Variants in UCHL3 observed in about 807,000 individuals in gnomAD.
The protein encoded by UCHL3 is ubiquitin carboxyl-terminal hydrolase isozyme L3.
UCHL3 carries 22 observed loss-of-function variants against 35.8 expected under a neutral mutation model. That is an observed-to-expected ratio of 0.61 (90% CI 0.44 to 0.88). UCHL3 has a LOEUF of 0.88. Ranked by LOEUF, UCHL3 falls within the 40% of genes least tolerant of loss-of-function variation. UCHL3 has a pLI of 0.00. For missense variants in UCHL3, 229 were observed against 276.9 expected, an observed-to-expected ratio of 0.83 and a Z score of 1.23; for synonymous variants, 90 against 92.8, an observed-to-expected ratio of 0.97 and a Z score of 0.17.
rs2031479710 is a variant in UCHL3, at chr13:75,561,121, G to A, written c.183+240G>A. ...GATGCTTGTGTTTTATTTTTGTAGA[G>A]ACAGGGCCTCACCGTGTTGCCTGGT... On this transcript the variant is annotated intron_variant, in intron 3 of 8. Coordinates refer to ENST00000377595, the MANE Select transcript of UCHL3 (RefSeq NM_006002.5). Among the ~76,000 whole-genome samples the A allele has an allele frequency of 3.3e-5, 5 of 152,118 alleles. No homozygotes were observed. The South Asian group carries it at 1.0e-3, about 32-fold the overall frequency.
intron 4 of UCHL3, 71 bp from the exon 5 acceptor site, chr13:75,567,156 C>G: frequency 7.4e-7 from 1 of 1,357,256 alleles, no homozygotes; most frequent in Non-Finnish European, 1.0e-6. Flanking sequence ...TAGCATACTT[C>G]TAGTATTTTC....
intron 7 of UCHL3, 28 bp from the exon 8 acceptor site, chr13:75,604,741 C>G (rs200478502): frequency 1.3e-6 from 2 of 1,572,142 alleles, no homozygotes; most frequent in East Asian, 4.7e-5. Context: ...AACAGCTAAG[C>G]ATTCAATTGT....
At chr13:75,580,475 G>A (rs1237423424) in intron 6 of UCHL3, among the ~76,000 whole-genome samples, 1 of 152,114 alleles carries the variant, frequency 6.6e-6, no homozygotes, top group Non-Finnish European at 1.5e-5. Flanking sequence ...AATTTTCAAA[G>A]CATTTGGTAG....
intron 2 of UCHL3, among the ~76,000 whole-genome samples, chr13:75,551,562 A>C (rs527436111): frequency 2.6e-5 from 4 of 152,346 alleles, no homozygotes; most frequent in African/African-American, 9.6e-5. Flanking sequence ...AATCCTCTAC[A>C]AAATATTAGC....
chr13:75,551,108 A>C (rs968927871), intron 2 of UCHL3, among the ~76,000 whole-genome samples: 1 of 152,308 alleles, frequency 6.6e-6, no homozygotes, highest in Non-Finnish European at 1.5e-5. Context: ...TTTAAGGAAG[A>C]AATAATACCA....
Position 75,549,812 on chromosome 13 carries a change from A to G in UCHL3, c.-9A>G. 6.4e-7 allele frequency: 1 copy of G among 1,551,820 alleles called. No individual in the cohort carries two copies. Among genetic ancestry groups the G allele is most frequent in the African/African-American group, 1.4e-5 (1 of 72,492 alleles). On this transcript the variant is annotated 5_prime_UTR_variant, in exon 1 of 9. Transcript: ENST00000377595. ...GGCTGTCAGAGCTGGAGGGCCGGGC[A>G]CCGCGGCCATGGAGGGTCAACGCTG...
intron 6 of UCHL3, among the ~76,000 whole-genome samples, chr13:75,592,444 A>ATACATATATATATATATGTATATGTG (rs1555276753): frequency 1.8e-5 from 2 of 108,810 alleles, no homozygotes; most frequent in African/African-American, 7.1e-5. Context: ...ATATATATAT[A>ATACATATATATATATATGTATATGTG]TATATATATA....
intron 7 of UCHL3, among the ~76,000 whole-genome samples, chr13:75,595,906 C>T (rs1031106339): frequency 1.3e-5 from 2 of 151,692 alleles, no homozygotes; most frequent in Non-Finnish European, 2.9e-5. Context: ...GTATACAATA[C>T]TTATTATGAC....
At chr13:75,549,773 G>A, upstream of UCHL3, 1 of 1,056,846 alleles carries the variant, frequency 9.5e-7, no homozygotes, top group Non-Finnish European at 1.2e-6. Flanking sequence ...AGCGGCGGCG[G>A]CGGCGAAGGC....
chr13:75,591,585 T>A lies in UCHL3; in HGVS notation c.475-3330T>A, dbSNP rs566143529. ...TTTATATGCTTTTATATAATGTTGA[T>A]CTTGGCTCCATATTAGTTCCATTGC... On this transcript the variant is annotated intron_variant, in intron 6 of 8. Transcript: ENST00000377595. Among the ~76,000 whole-genome samples the A allele has an allele frequency of 2.6e-5, 4 of 152,334 alleles. No individual in the cohort carries two copies. The South Asian group carries it at 8.3e-4, about 32-fold the overall frequency.
At chr13:75,592,448 A>ATACATATATATATATGTATATATG (rs1566228123) in intron 6 of UCHL3, among the ~76,000 whole-genome samples, 1 of 116,644 alleles carries the variant, frequency 8.6e-6, no homozygotes, top group Non-Finnish European at 1.8e-5. Flanking sequence ...ATATATATAT[A>ATACATATATATATATGTATATATG]TATATATATA....
At chr13:75,591,367 T>G (rs2032474173) in intron 6 of UCHL3, among the ~76,000 whole-genome samples, 1 of 152,212 alleles carries the variant, frequency 6.6e-6, no homozygotes, top group Non-Finnish European at 1.5e-5. Flanking sequence ...ATTTGATATT[T>G]GTTGCTTCTC....
chr13:75,557,596 C>T lies in UCHL3; in HGVS notation c.55-3157C>T, dbSNP rs181942649. Among the ~76,000 whole-genome samples the T allele has an allele frequency of 6.2e-3, 938 of 152,134 alleles. 7 individuals carry two copies. Among genetic ancestry groups the T allele is most frequent in the African/African-American group, 0.02 (845 of 41,516 alleles). ...TATCCTGCTTGATGTAAATGGGATG[C>T]TTCTAATTAACTGTGTAGAGATGGC... is the stretch of plus-strand genomic sequence containing the variant. On this transcript the variant is annotated intron_variant, in intron 2 of 8. Transcript: ENST00000377595.
chr13:75,554,896 C>T (rs929827402), intron 2 of UCHL3, among the ~76,000 whole-genome samples: 1 of 152,194 alleles, frequency 6.6e-6, no homozygotes, highest in Non-Finnish European at 1.5e-5. Flanking sequence ...TTCTGATCCT[C>T]TCCTCAGCCT....
intron 6 of UCHL3, among the ~76,000 whole-genome samples, chr13:75,583,592 A>G (rs980913708): frequency 1.5e-4 from 23 of 152,240 alleles, no homozygotes; most frequent in Admixed American, 1.2e-3. Context: ...TTGTTGTTTT[A>G]TAACATCATT....
intron 4 of UCHL3, 32 bp downstream of exon 4, chr13:75,566,883 C>G (rs562044411): frequency 6.4e-7 from 1 of 1,564,618 alleles, no homozygotes; most frequent in African/African-American, 1.4e-5. Context: ...CATTTTTTCC[C>G]CCTTAAGATA....
chr13:75,550,982 G>GT (rs2031083865), intron 2 of UCHL3, among the ~76,000 whole-genome samples: 1 of 152,042 alleles, frequency 6.6e-6, no homozygotes, highest in Non-Finnish European at 1.5e-5. Context: ...TTTGGTAAAT[G>GT]TTTTTTAAAT....
At chr13:75,600,990 A>C (rs894495795) in intron 7 of UCHL3, among the ~76,000 whole-genome samples, 1 of 152,194 alleles carries the variant, frequency 6.6e-6, no homozygotes, top group Non-Finnish European at 1.5e-5. Context: ...CTCATGGATG[A>C]CTTTGAGGGG....
chr13:75,583,864 C>T (rs928101359), intron 6 of UCHL3, among the ~76,000 whole-genome samples: 2 of 152,118 alleles, frequency 1.3e-5, no homozygotes, highest in Non-Finnish European at 2.9e-5. Flanking sequence ...CAAAAGTAGG[C>T]TACCATAAGA....
Sources: gnomAD v4.1 joint callset for allele counts (sites outside exome capture counted in the v4.1 genomes callset) on GRCh38, gnomAD v4.1.1 for gene constraint, MANE v1.5 for transcripts, NCBI Gene and HGNC (gene_info 2026-07-23, HGNC 2026-07-21) for gene names.